The following PRKN variants were observed in gnomAD, a reference collection of about 807,000 sequenced individuals.
PRKN encodes E3 ubiquitin-protein ligase parkin.
Under a neutral mutation model 59.5 loss-of-function variants are expected in PRKN, and 56 were observed. That is an observed-to-expected ratio of 0.94 (90% confidence interval 0.76 to 1.18). The LOEUF (loss-of-function observed/expected upper bound fraction) is 1.18, where lower values mean the gene tolerates loss of function less well. PRKN is among the 50% of genes most tolerant of loss of function. PRKN has a pLI of 0.00. For missense variants in PRKN, 657 were observed against 596.4 expected (o/e 1.10, Z -1.06); for synonymous variants, 250 against 222.1 (o/e 1.13, Z -1.12).
intron 1 of PRKN, among the ~76,000 whole-genome samples, chr6:162,630,838 T>C (rs1333944262): frequency 6.6e-6 from 1 of 152,110 alleles, no homozygotes; most frequent in Non-Finnish European, 1.5e-5. Context: ...GCATTCAGAA[T>C]AATAAACTTT....
chr6:162,443,859 T>G (rs10455910), intron 1 of PRKN, among the ~76,000 whole-genome samples: 2 of 151,794 alleles, frequency 1.3e-5, no homozygotes, highest in African/African-American at 4.8e-5. Flanking sequence ...GTGACCCTCT[T>G]AATAAAAATA....
At chr6:162,264,109 A>C (rs1052445545) in intron 2 of PRKN, among the ~76,000 whole-genome samples, 6 of 151,694 alleles carry the variant, frequency 4.0e-5, no homozygotes, top group African/African-American at 1.5e-4. Flanking sequence ...CCCCATCTCT[A>C]CTAAAAATAC....
intron 7 of PRKN, among the ~76,000 whole-genome samples, chr6:161,607,934 C>A (rs539077824): frequency 6.6e-6 from 1 of 152,284 alleles, no homozygotes; most frequent in South Asian, 2.1e-4. Flanking sequence ...CTTCAGCCAC[C>A]AGCCCTGAAA....
At chr6:162,456,169 T>G (rs1790863176) in intron 1 of PRKN, among the ~76,000 whole-genome samples, 1 of 152,152 alleles carries the variant, frequency 6.6e-6, no homozygotes, top group African/African-American at 2.4e-5. Context: ...TCCAATAAAC[T>G]TATTAGTTAG....
At chr6:162,484,287 A>G (rs1792443369) in intron 1 of PRKN, among the ~76,000 whole-genome samples, 2 of 152,186 alleles carry the variant, frequency 1.3e-5, no homozygotes, top group South Asian at 4.1e-4. Flanking sequence ...ATGTTAGGTG[A>G]AGAATACGGT....
chr6:162,391,503 T>C (rs1168981967), intron 2 of PRKN, among the ~76,000 whole-genome samples: 3 of 151,606 alleles, frequency 2.0e-5, no homozygotes, highest in Non-Finnish European at 4.4e-5. Context: ...ATAATTTTCT[T>C]ACTGCGCATG....
intron 4 of PRKN, among the ~76,000 whole-genome samples, chr6:162,183,364 C>A (rs568470183): frequency 6.6e-6 from 1 of 152,180 alleles, no homozygotes; most frequent in African/African-American, 2.4e-5. Flanking sequence ...CTCACACAGG[C>A]CACATGGAGC....
intron 7 of PRKN, among the ~76,000 whole-genome samples, chr6:161,763,118 T>C (rs953566138): frequency 6.6e-6 from 1 of 152,206 alleles, no homozygotes; most frequent in African/African-American, 2.4e-5. Context: ...AAAACTTATG[T>C]GTCATTCAGG....
chr6:161,726,319 T>C (rs1466558458), intron 7 of PRKN, among the ~76,000 whole-genome samples: 1 of 152,226 alleles, frequency 6.6e-6, no homozygotes, highest in Non-Finnish European at 1.5e-5. Flanking sequence ...AAATGGCATT[T>C]ATTCTATGTA....
intron 2 of PRKN, among the ~76,000 whole-genome samples, chr6:162,385,256 A>G (rs1786740597): frequency 6.6e-6 from 1 of 152,184 alleles, no homozygotes. Flanking sequence ...CTTCACCCAG[A>G]TAACATAAAC....
intron 9 of PRKN, among the ~76,000 whole-genome samples, chr6:161,536,848 C>T (rs1779432487): frequency 6.6e-6 from 1 of 152,142 alleles, no homozygotes; most frequent in Admixed American, 6.5e-5. Context: ...GACCAAGAAA[C>T]TAAAAATAGA....
At chr6:162,048,425 C>T (rs1025863527) in intron 5 of PRKN, among the ~76,000 whole-genome samples, 1 of 151,838 alleles carries the variant, frequency 6.6e-6, no homozygotes, top group Non-Finnish European at 1.5e-5. Flanking sequence ...AAAAGCACCA[C>T]TGAAACCACA....
rs1777848071 is a variant in PRKN, at chr6:161,498,798, C to T, written c.1083+50056G>A. Among the ~76,000 whole-genome samples the T allele has an allele frequency of 6.6e-6, 1 of 152,192 alleles. No homozygotes were observed. Among genetic ancestry groups the T allele is most frequent in the South Asian group, 2.1e-4 (1 of 4,832 alleles). ...TTACTGCAACAGACTTTAGTCTGTG[C>T]TGACTAATACATCCAGGATATTCTT... On this transcript the variant is annotated intron_variant, in intron 9 of 11. Transcript: ENST00000366898. This position sits in a 1 kb window ranked among gnomAD's most constrained non-coding sequence, Gnocchi z 4.2.
Position 161,552,368 on chromosome 6 carries a change from C to T in PRKN, c.934-3365G>A, listed in dbSNP as rs1182270653. On this transcript the variant is annotated intron_variant, in intron 8 of 11. Transcript: ENST00000366898. The surrounding 1 kb of genome is among the most constrained non-coding windows in gnomAD (Gnocchi z 4.9). The stretch of plus-strand genomic sequence containing the variant: ...TGATCTCACGGTGATCCTCCAAGCC[C>T]CTCTCCCTCAGCTCTGTTCACCTCC... Among the ~76,000 whole-genome samples the T allele has an allele frequency of 2.3e-5, 3 of 131,476 alleles. No individual in the cohort carries two copies. Among genetic ancestry groups the T allele is most frequent in the African/African-American group, 9.2e-5 (3 of 32,782 alleles). 86.3% of individuals were successfully genotyped at this position (131,476 alleles called of 152,430 possible).
intron 7 of PRKN, among the ~76,000 whole-genome samples, chr6:161,617,380 TC>T (rs1208840944): frequency 6.6e-6 from 1 of 152,244 alleles, no homozygotes; most frequent in African/African-American, 2.4e-5. Flanking sequence ...ACGATAAATT[TC>T]TTTAGGTGTG....
At chr6:162,448,019 T>C (rs1399730466) in intron 1 of PRKN, among the ~76,000 whole-genome samples, 1 of 152,172 alleles carries the variant, frequency 6.6e-6, no homozygotes, top group Non-Finnish European at 1.5e-5. Flanking sequence ...CAGACAGTTT[T>C]GCTGAGAGAC....
At chr6:161,358,755 C>T (rs1381004291) in intron 11 of PRKN, among the ~76,000 whole-genome samples, 1 of 149,582 alleles carries the variant, frequency 6.7e-6, no homozygotes, top group Non-Finnish European at 1.5e-5. Flanking sequence ...ACTAGAGAAG[C>T]TCTTTCCTTC....
At chr6:162,185,402 C>T (rs1409213463) in intron 4 of PRKN, among the ~76,000 whole-genome samples, 1 of 152,158 alleles carries the variant, frequency 6.6e-6, no homozygotes, top group Non-Finnish European at 1.5e-5. Context: ...GAAACAAAAA[C>T]TTACGGCTGA....
intron 2 of PRKN, among the ~76,000 whole-genome samples, chr6:162,303,039 T>C (rs903425605): frequency 2.0e-5 from 3 of 151,254 alleles, no homozygotes; most frequent in Non-Finnish European, 2.9e-5. Context: ...TACGTGACTT[T>C]TGGAAACATA....
Sources: allele counts gnomAD v4.1 joint callset (sites outside exome capture counted in the v4.1 genomes callset), GRCh38; gene constraint gnomAD v4.1.1; non-coding constraint Gnocchi (gnomAD v3.1); transcripts MANE v1.5; gene names NCBI Gene and HGNC (gene_info 2026-07-23, HGNC 2026-07-21).